The following ACTR3C variants were observed in gnomAD, a reference collection of about 807,000 sequenced individuals.
The protein encoded by ACTR3C is actin related protein 3C.
In ACTR3C, 18 loss-of-function variants were observed where a neutral mutation model predicts 26.3. That is an observed-to-expected ratio of 0.68 (90% confidence interval 0.47 to 1.01). The LOEUF (loss-of-function observed/expected upper bound fraction) is 1.01. ACTR3C is among the 50% of genes least tolerant of loss of function. ACTR3C has a pLI of 0.00. For synonymous variants in ACTR3C, 55 were observed against 94.5 expected, an observed-to-expected ratio of 0.58 and a Z score of 2.42; for missense variants, 184 against 250.7, an observed-to-expected ratio of 0.73 and a Z score of 1.80.
the ACTR3C span, among the ~76,000 whole-genome samples, chr7:149,950,274 T>C: frequency 1.5e-5 from 2 of 135,120 alleles, no homozygotes. Context: ...AGCCAGACAA[T>C]TGCCCTCCAG....
At chr7:150,082,671 AT>A in the ACTR3C span, among the ~76,000 whole-genome samples, 1 of 152,182 alleles carries the variant, frequency 6.6e-6, no homozygotes. Flanking sequence ...ATTCATGTGA[AT>A]TTCATCTGGC....
chr7:150,023,346 T>C, the ACTR3C span, among the ~76,000 whole-genome samples: 48 of 59,284 alleles, frequency 8.1e-4, no homozygotes, highest in East Asian at 1.5e-3. Context: ...TACATATATA[T>C]TTTAGAGACA....
At chr7:150,216,432 G>T in the ACTR3C span, among the ~76,000 whole-genome samples, 1 of 151,830 alleles carries the variant, frequency 6.6e-6, no homozygotes, top group South Asian at 2.1e-4. Flanking sequence ...CTGGGGTTGT[G>T]GGGGTGAGGG....
At chr7:150,150,640 T>A in the ACTR3C span, among the ~76,000 whole-genome samples, 2 of 139,132 alleles carry the variant, frequency 1.4e-5, 1 homozygote, top group Non-Finnish European at 3.2e-5. Flanking sequence ...TGTGGCTTCC[T>A]CCTTTGCTTT....
the ACTR3C span, among the ~76,000 whole-genome samples, chr7:150,181,430 A>G: frequency 2.8e-3 from 416 of 150,746 alleles, 32 homozygotes; most frequent in African/African-American, 0.01. Flanking sequence ...AAAGGGAAAA[A>G]GGAAAACTTA....
chr7:149,975,973 T>C, the ACTR3C span, among the ~76,000 whole-genome samples: 1 of 152,192 alleles, frequency 6.6e-6, no homozygotes, highest in Admixed American at 6.5e-5. Context: ...AACCAAAAGT[T>C]GATTATTTGA....
chr7:150,102,149 A>G, the ACTR3C span, among the ~76,000 whole-genome samples: 26 of 151,560 alleles, frequency 1.7e-4, no homozygotes, highest in Admixed American at 1.1e-3. Context: ...CTGGATACTA[A>G]GGTCTAGCAT....
chr7:150,281,599 G>T (rs1481667464), intron 6 of ACTR3C, among the ~76,000 whole-genome samples: 1 of 150,852 alleles, frequency 6.6e-6, no homozygotes, highest in Non-Finnish European at 1.5e-5. Context: ...TGTGAGCAGA[G>T]CTCGGCAGTG....
At chr7:150,181,355 G>A in the ACTR3C span, among the ~76,000 whole-genome samples, 4,533 of 138,372 alleles carry the variant, frequency 0.033, 574 homozygotes, top group African/African-American at 0.12. Flanking sequence ...CTGAAGATAG[G>A]AAAAAAAAAA....
intron 1 of ACTR3C, among the ~76,000 whole-genome samples, chr7:150,321,358 T>C (rs547342918): frequency 1.3e-5 from 2 of 152,354 alleles, no homozygotes; most frequent in South Asian, 2.1e-4. Context: ...TACTGTAACA[T>C]GCTGTGTGAG....
At chr7:149,921,546 G>A in the ACTR3C span, among the ~76,000 whole-genome samples, 138 of 152,006 alleles carry the variant, frequency 9.1e-4, 2 homozygotes, top group African/African-American at 3.0e-3. Flanking sequence ...TATTGAGCTC[G>A]TGTTGTCTAA....
At chr7:150,048,788 GA>G in the ACTR3C span, among the ~76,000 whole-genome samples, 1 of 152,122 alleles carries the variant, frequency 6.6e-6, no homozygotes, top group Non-Finnish European at 1.5e-5. Flanking sequence ...GGGGTGGTCG[GA>G]CGACGCTGGT....
At chr7:149,918,997 G>C in the ACTR3C span, among the ~76,000 whole-genome samples, 14 of 152,270 alleles carry the variant, frequency 9.2e-5, no homozygotes, top group East Asian at 1.2e-3. Context: ...GCCCCACACT[G>C]CTGGGCACTT....
chr7:150,209,395 G>A, the ACTR3C span, among the ~76,000 whole-genome samples: 2 of 150,978 alleles, frequency 1.3e-5, no homozygotes, highest in Admixed American at 1.3e-4. Context: ...TGATGAAAAG[G>A]ATAAACTCAT....
the ACTR3C span, among the ~76,000 whole-genome samples, chr7:150,048,620 T>C: frequency 6.6e-6 from 1 of 151,202 alleles, no homozygotes; most frequent in Non-Finnish European, 1.5e-5. Context: ...AGGGGGCGAC[T>C]GAAGGTGCAG....
At chr7:150,161,637 A>G in the ACTR3C span, among the ~76,000 whole-genome samples, 1 of 152,144 alleles carries the variant, frequency 6.6e-6, no homozygotes, top group South Asian at 2.1e-4. Flanking sequence ...GGCTAGAAAT[A>G]CCATTTGACC....
intron 1 of ACTR3C, among the ~76,000 whole-genome samples, chr7:150,313,209 T>C (rs11979400): frequency 0.021 from 3,193 of 152,270 alleles, 108 homozygotes; most frequent in African/African-American, 0.073. Context: ...CTCAGCCCAC[T>C]TGCACCCAAG....
chr7:150,033,857 G>A, the ACTR3C span, among the ~76,000 whole-genome samples: 5 of 142,544 alleles, frequency 3.5e-5, no homozygotes, highest in African/African-American at 1.4e-4. Context: ...CGCCCCCAGC[G>A]ATGGGGATCC....
At chr7:150,034,140 C>A in the ACTR3C span, among the ~76,000 whole-genome samples, 1 of 151,894 alleles carries the variant, frequency 6.6e-6, no homozygotes, top group Non-Finnish European at 1.5e-5. Context: ...TCTCAGCCAT[C>A]ACAAAATAGG....
Sources: gnomAD v4.1 joint callset for allele counts (sites outside exome capture counted in the v4.1 genomes callset) on GRCh38, gnomAD v4.1.1 for gene constraint, MANE v1.5 for transcripts, NCBI Gene and HGNC (gene_info 2026-07-23, HGNC 2026-07-21) for gene names.